The following CACNA1G variants were observed in gnomAD, a reference collection of about 807,000 sequenced individuals.
The protein encoded by CACNA1G is calcium voltage-gated channel subunit alpha1 G, also known as voltage-dependent T-type calcium channel subunit alpha-1G.
In CACNA1G, 67 loss-of-function variants were observed where a neutral mutation model predicts 219.4. The ratio of observed to expected loss-of-function variants is 0.31; its 90% CI spans 0.25 to 0.37. The LOEUF is 0.37. Among genes scored for constraint, CACNA1G ranks in the 10% least tolerant of loss-of-function variants. The pLI is 1.00. For synonymous variants in CACNA1G, 1,296 were observed against 1,345.3 expected (o/e 0.96, Z 0.80); for missense variants, 2,380 against 3,231.4 (o/e 0.74, Z 6.39).
At position 50,618,331 on chromosome 17, in the gene CACNA1G, T is replaced by C; in HGVS notation, c.5415T>C (p.Asn1805=). The part of the protein sequence containing the change: ...LFRVSTGDNW[N]GIMKDTLRDC... ...GAGTCTCCACAGGTGACAATTGGAATGGCATTATGAAGGTAAGGGCCCAGG... is the reference window on the plus strand; with the variant it reads ...GAGTCTCCACAGGTGACAATTGGAACGGCATTATGAAGGTAAGGGCCCAGG... Residue 1805 remains asparagine, a synonymous_variant, in exon 32 of 38, where the codon AAT becomes AAC. Transcript: ENST00000359106. The surrounding 1 kb of genome is among the most constrained non-coding windows in gnomAD (Gnocchi z 5.3). 1 of 1,613,850 alleles carries C rather than the reference T, an allele frequency of 6.2e-7. No individual in the cohort carries two copies. Among genetic ancestry groups the C allele is most frequent in the Non-Finnish European group, 8.5e-7 (1 of 1,179,796 alleles).
At chr17:50,594,945 G>A (rs764584679) in intron 13 of CACNA1G, 48 bp from the exon 14 acceptor site, 101 of 1,449,096 alleles carry the variant, frequency 7.0e-5, no homozygotes, top group Non-Finnish European at 8.2e-5. Context: ...TGAAGGCCCC[G>A]AGCGCCTGTG....
rs756461261 is a variant in CACNA1G, at chr17:50,600,864, C to T, written c.3791+38C>T. 6.3e-7 allele frequency: 1 copy of T among 1,587,626 alleles called. No individual in the cohort carries two copies. The highest frequency in any genetic ancestry group is 2.2e-5 in the East Asian group (1 of 44,750). The stretch of plus-strand genomic sequence containing the variant: ...GCAGGGGTCTGACCTGTGTCCCGAC[C>T]TCTTCTTCTCACGGGAAATTACCGC... On this transcript the variant is annotated intron_variant, in intron 18 of 37. Transcript: ENST00000359106. The surrounding 1 kb of genome is among the most constrained non-coding windows in gnomAD (Gnocchi z 4.1).
chr17:50,576,400 G>T, intron 8 of CACNA1G, 74 bp downstream of exon 8: 1 of 1,432,490 alleles, frequency 7.0e-7, no homozygotes. Flanking sequence ...GGACTAGGGG[G>T]TCTGGAGTCA....
At chr17:50,613,036 C>T (rs2049578513) in intron 26 of CACNA1G, among the ~76,000 whole-genome samples, 1 of 152,218 alleles carries the variant, frequency 6.6e-6, no homozygotes, top group Non-Finnish European at 1.5e-5. Context: ...ATCGCCAGGC[C>T]CCAACTTTGG....
Position 50,572,050 on chromosome 17 carries a change from C to T in CACNA1G, c.746+13C>T. 1 of 1,612,422 alleles carries T rather than the reference C, an allele frequency of 6.2e-7. No homozygotes were observed. Among genetic ancestry groups the T allele is most frequent in the East Asian group, 2.2e-5 (1 of 44,876 alleles). ...AGAATTTCAGCCTGTGAGTGGTGGACAGGGTCCAGGGAGGACCTGGGAGTG... is the reference window on the plus strand; with the variant it reads ...AGAATTTCAGCCTGTGAGTGGTGGATAGGGTCCAGGGAGGACCTGGGAGTG... On this transcript the variant is annotated intron_variant, in intron 5 of 37. Coordinates refer to ENST00000359106, the MANE Select transcript of CACNA1G (RefSeq NM_018896.5).
intron 14 of CACNA1G, 82 bp downstream of exon 14, chr17:50,595,143 GT>G: frequency 9.8e-7 from 1 of 1,019,768 alleles, no homozygotes; most frequent in Non-Finnish European, 1.5e-6. Flanking sequence ...CTCTGTGCTC[GT>G]GTTCACGCTC....
In CACNA1G at chr17:50,624,409, G is replaced by A. The variant is rs372835335; in HGVS notation, c.6279G>A (p.Leu2093=). 7.5e-6 allele frequency: 12 copies of A among 1,592,756 alleles called. No homozygotes were observed. The highest frequency in any genetic ancestry group is 1.1e-5 in the South Asian group (1 of 87,856). The part of the protein sequence containing the change: ...HSQPADTSYI[L]QLPKDAPHLL... ...AGCCAGCAGATACCAGCTACATCCT[G>A]CAGCTTCCCAAAGATGCACCTCATC... is the stretch of plus-strand genomic sequence containing the variant. The change falls in exon 37 of 38, where the codon CTG becomes CTA. Residue 2093 remains leucine (L), a synonymous_variant. Coordinates refer to ENST00000359106, the MANE Select transcript of CACNA1G (RefSeq NM_018896.5).
rs1265869105 is a variant in CACNA1G at position 50,626,263 on chromosome 17, G to C, written c.6646G>C (p.Glu2216Gln). The change falls in exon 38 of 38, where the codon GAG (glutamate) becomes CAG (glutamine). Residue 2216 changes from glutamate (E) to glutamine (Q), a missense_variant. Glu to Gln is a conservative substitution (Grantham distance 29). Around this residue, in one of 17 missense-constraint regions of CACNA1G, gnomAD observed 672 missense variants for 670.5 expected, o/e 1.00. Coordinates refer to ENST00000359106, the MANE Select transcript of CACNA1G (RefSeq NM_018896.5). The surrounding 1 kb of genome is among the most constrained non-coding windows in gnomAD (Gnocchi z 4.3). ...KGPPETRSSL[E>Q]LDTELSWISG... Reference sequence around the variant, plus strand: ...CCCTCCAGAGACCAGAAGCAGCTTAGAGTTGGACACGGAGCTGAGCTGGAT... The same window carrying C: ...CCCTCCAGAGACCAGAAGCAGCTTACAGTTGGACACGGAGCTGAGCTGGAT... 13 of 1,613,678 alleles carry C rather than the reference G, an allele frequency of 8.1e-6. No individual in the cohort carries two copies. Among genetic ancestry groups the C allele is most frequent in the Non-Finnish European group, 1.1e-5 (13 of 1,179,802 alleles).
In CACNA1G at chr17:50,564,318, G is replaced by C. The variant is rs147247370; in HGVS notation, c.242+2617G>C. 8.1e-3 allele frequency among the ~76,000 whole-genome samples: 1,227 copies of C among 152,016 alleles called. 13 individuals are homozygous for C. Among genetic ancestry groups the C allele is most frequent in the Non-Finnish European group, 0.012 (830 of 67,948 alleles). ...GTGTGAGGGAGCGCGCTCCCCTCTC[G>C]GGGAGGAGTTCCTCCGCATTCCCTC... On this transcript the variant is annotated intron_variant, in intron 1 of 37. Coordinates refer to ENST00000359106, the MANE Select transcript of CACNA1G (RefSeq NM_018896.5).
In CACNA1G at chr17:50,619,824, C is replaced by T. The variant is rs749773509; in HGVS notation, c.5923C>T (p.Gln1975Ter). ...CCCCAGCCTGGGAGGCTCCGACCCA[C>T]AGGTTACTGTGCCCCTGTGCTGTGC... ...SAPSLGGSDP[Q>*]IPLAEMEALS... Residue 1975 changes from glutamine (Q) to a stop codon, truncating the protein, a stop_gained and splice_region_variant, in exon 34 of 38, where the codon CAG (glutamine) becomes TAG (stop). Coordinates refer to ENST00000359106, the MANE Select transcript of CACNA1G (RefSeq NM_018896.5). LOFTEE classifies it high-confidence loss of function. 1 of 1,603,328 alleles carries T rather than the reference C, an allele frequency of 6.2e-7. No individual in the cohort carries two copies. The highest frequency in any genetic ancestry group is 1.7e-5 in the Admixed American group (1 of 59,506).
chr17:50,603,335 TC>T lies in CACNA1G; in HGVS notation c.4169+138del. The stretch of plus-strand genomic sequence containing the variant: ...TCCTGTCTGTGACCCCCACAGGCGA[TC>T]CTGTCCCCGCCCCAGACAACACTCA... On this transcript the variant is annotated intron_variant, in intron 21 of 37. Coordinates refer to ENST00000359106, the MANE Select transcript of CACNA1G (RefSeq NM_018896.5). This position sits in a 1 kb window ranked among gnomAD's most constrained non-coding sequence, Gnocchi z 6.4. 2 of 722,682 alleles carry T rather than the reference TC, an allele frequency of 2.8e-6. No homozygotes were observed. Among genetic ancestry groups the T allele is most frequent in the Non-Finnish European group, 4.5e-6 (2 of 441,014 alleles). The allele number at this position is 722,682 out of a possible 1,614,324, so 44.8% of individuals were successfully genotyped here.
chr17:50,570,863 G>A lies in CACNA1G; in HGVS notation c.587-1015G>A, dbSNP rs181400653. On this transcript the variant is annotated intron_variant, in intron 4 of 37. Transcript: ENST00000359106. ...GAGACTGAGTGAGAAAACTGGGCTG[G>A]CAGGGGCGAGGCTGGGCGCTGCAGT... Among the ~76,000 whole-genome samples, 246 of 152,302 alleles carry A rather than the reference G, an allele frequency of 1.6e-3. 2 individuals carry two copies. Among genetic ancestry groups the A allele is most frequent in the African/African-American group, 5.4e-3 (226 of 41,554 alleles).
In CACNA1G at chr17:50,617,379, G is replaced by A. The variant is rs561445932; in HGVS notation, c.5022-59G>A. 3.7e-5 allele frequency: 57 copies of A among 1,558,180 alleles called. No homozygotes were observed. The African/African-American group carries it at 7.4e-4, about 20-fold the overall frequency. On this transcript the variant is annotated intron_variant, in intron 28 of 37. Transcript: ENST00000359106. This position sits in a 1 kb window ranked among gnomAD's most constrained non-coding sequence, Gnocchi z 5.8. ...AGCCCTGTCTTTCTGTGCCACGACT[G>A]CCCCCTCCTTCAGGAACCCCCTCCC...
At position 50,591,796 on chromosome 17, in the gene CACNA1G, C is replaced by T. The variant is rs760657691; in HGVS notation, c.2697C>T (p.Thr899=). 1.9e-6 allele frequency: 3 copies of T among 1,613,924 alleles called. No individual in the cohort carries two copies. The highest frequency in any genetic ancestry group is 2.2e-5 in the South Asian group (2 of 91,076). The change falls in exon 12 of 38, where the codon ACC becomes ACT. Residue 899 remains threonine (T), a synonymous_variant. Transcript: ENST00000359106. ...TTGCCTCTGAGCGGGATGGGGACAC[C>T]CTGCCAGACCGGAAGAATTTTGACT... ...CKFASERDGD[T]LPDRKNFDSL...
chr17:50,561,765 G>A (rs1462034386), intron 1 of CACNA1G, 64 bp downstream of exon 1: 1 of 1,466,012 alleles, frequency 6.8e-7, no homozygotes, highest in Middle Eastern at 2.2e-4. Context: ...ACCGCCGGGG[G>A]TCGGGGGGGA....
chr17:50,600,820 A>T lies in CACNA1G; in HGVS notation c.3785A>T (p.Gln1262Leu). Residue 1262 changes from glutamine to leucine, a missense_variant, in exon 18 of 38, where the codon CAG (glutamine) becomes CTG (leucine). Transcript: ENST00000359106. The surrounding 1 kb of genome is among the most constrained non-coding windows in gnomAD (Gnocchi z 4.1). ...TGGTCAGCCTACATCTTCCCTCCTC[A>T]GTCCAGGTAAGTGACAGGGCAGGGG... ...DSWSAYIFPP[Q>L]SRFRLLCHRI... 6.2e-7 allele frequency: 1 copy of T among 1,613,382 alleles called. No homozygotes were observed. Among genetic ancestry groups the T allele is most frequent in the Non-Finnish European group, 8.5e-7 (1 of 1,179,448 alleles).
rs4794172 is a variant in CACNA1G, at chr17:50,621,545, C to G, written c.5926-115C>G. On this transcript the variant is annotated intron_variant, in intron 34 of 37. Coordinates refer to ENST00000359106, the MANE Select transcript of CACNA1G (RefSeq NM_018896.5). This position sits in a 1 kb window ranked among gnomAD's most constrained non-coding sequence, Gnocchi z 4.6. ...AGAAGGGATGCCTTTTTCCCGCCCC[C>G]CTGTGCTTCGTGAAAAGGGGGAAGT... is the stretch of plus-strand genomic sequence containing the variant. The G allele has an allele frequency of 3.4e-6, 4 of 1,186,218 alleles. No homozygotes were observed. Among genetic ancestry groups the G allele is most frequent in the Admixed American group, 2.1e-5 (1 of 48,500 alleles). 73.5% of individuals were successfully genotyped at this position (1,186,218 alleles called of 1,614,324 possible). A position where few individuals can be genotyped will look rare whatever the true frequency, so the allele number is the denominator to read the frequency against.
chr17:50,562,475 C>T, intron 1 of CACNA1G, among the ~76,000 whole-genome samples: 1 of 152,076 alleles, frequency 6.6e-6, no homozygotes, highest in East Asian at 1.9e-4. Context: ...CCCAGTGCCG[C>T]GGGTGCCTCC....
At chr17:50,619,127 C>G (rs955066495) in intron 33 of CACNA1G, 119 bp downstream of exon 33, 1 of 765,594 alleles carries the variant, frequency 1.3e-6, no homozygotes, top group South Asian at 2.2e-5. Flanking sequence ...GAGGCTCCCG[C>G]CCTCCGTCCT....
Sources: gnomAD v4.1 joint callset for allele counts (sites outside exome capture counted in the v4.1 genomes callset) on GRCh38, gnomAD v4.1.1 for gene constraint, gnomAD v4.1.1 regional missense constraint, Gnocchi (gnomAD v3.1) non-coding constraint, MANE v1.5 for transcripts, NCBI Gene and HGNC (gene_info 2026-07-23, HGNC 2026-07-21) for gene names.